Variants in TMEM128 observed in about 807,000 individuals in gnomAD.
TMEM128 encodes transmembrane protein 128.
TMEM128 carries 16 observed loss-of-function variants against 19.7 expected under a neutral mutation model. The ratio of observed to expected loss-of-function variants is 0.81; its 90% CI spans 0.55 to 1.23. TMEM128 has a LOEUF of 1.23. TMEM128 is among the 50% of genes most tolerant of loss of function. The probability of loss-of-function intolerance (pLI) is 0.00; values close to 1 mark genes in which losing one functional copy is unlikely to be tolerated. For synonymous variants in TMEM128, 98 were observed against 75.8 expected (o/e 1.29, Z -1.52); for missense variants, 237 against 200.8 (o/e 1.18, Z -1.09).
At chr4:4,246,684 A>G (rs1365415573) in intron 1 of TMEM128, among the ~76,000 whole-genome samples, 2 of 152,224 alleles carry the variant, frequency 1.3e-5, no homozygotes, top group Admixed American at 1.3e-4. Flanking sequence ...TTAATTAGGA[A>G]AAATGCCAAA....
chr4:4,247,665 T>A, intron 1 of TMEM128: 1 of 1,614,152 alleles, frequency 6.2e-7, no homozygotes, highest in Non-Finnish European at 8.5e-7. Context: ...ATCATCCCCA[T>A]TGGTACATAC....
In TMEM128 at chr4:4,240,308, A is replaced by G. The variant is rs1231166390; in HGVS notation, c.398+13T>C. The G allele has an allele frequency of 2.0e-5, 32 of 1,612,942 alleles. No homozygotes were observed. The highest frequency in any genetic ancestry group is 2.6e-5 in the Non-Finnish European group (31 of 1,179,436). On this transcript the variant is annotated intron_variant, in intron 3 of 4. Transcript: ENST00000382753. ...GTTGTTCATTCCTGTTAGTCATTTCAAAGTTAACTTACCAAATTCCTGCTG... is the reference window on the plus strand; with the variant it reads ...GTTGTTCATTCCTGTTAGTCATTTCGAAGTTAACTTACCAAATTCCTGCTG...
At chr4:4,239,009 C>G (rs1292878022) in intron 3 of TMEM128, among the ~76,000 whole-genome samples, 3 of 152,126 alleles carry the variant, frequency 2.0e-5, no homozygotes, top group Non-Finnish European at 4.4e-5. Context: ...TGCACTCCGG[C>G]CTGGGTGACA....
chr4:4,238,146 G>A (rs1233497790), intron 3 of TMEM128, among the ~76,000 whole-genome samples: 2 of 152,298 alleles, frequency 1.3e-5, no homozygotes, highest in East Asian at 1.9e-4. Context: ...CTTCAAGAAG[G>A]CCCTGGAACT....
In TMEM128 at chr4:4,235,691, G is replaced by A. The variant is rs1220685055; in HGVS notation, c.*575C>T. ...GAGAAAACATAAAATATTTTCATTT[G>A]GTCCTGTCACCTAACAAAACTATCA... On this transcript the variant is annotated 3_prime_UTR_variant, in exon 5 of 5. Coordinates refer to ENST00000382753, the MANE Select transcript of TMEM128 (RefSeq NM_001297551.2). 5.2e-5 allele frequency: 8 copies of A among 152,496 alleles called. No individual in the cohort carries two copies. The highest frequency in any genetic ancestry group is 5.2e-4 in the Admixed American group (8 of 15,264). 9.4% of individuals were successfully genotyped at this position (152,496 alleles called of 1,614,324 possible). A position where few individuals can be genotyped will look rare whatever the true frequency, so the allele number is the denominator to read the frequency against.
At position 4,245,300 on chromosome 4, in the gene TMEM128, C is replaced by G. The variant is rs145236301; in HGVS notation, c.239+902G>C. Among the ~76,000 whole-genome samples, 516 of 152,294 alleles carry G rather than the reference C, an allele frequency of 3.4e-3. 5 individuals carry two copies. Among genetic ancestry groups the G allele is most frequent in the South Asian group, 0.024 (117 of 4,816 alleles). On this transcript the variant is annotated intron_variant, in intron 2 of 4. Transcript: ENST00000382753. The stretch of plus-strand genomic sequence containing the variant: ...TCTGGAGACTATACTGAAAGGATCT[C>G]AGTCCCTGTGAATGAGGAACTACTG...
At chr4:4,245,213 T>G (rs1718119010) in intron 2 of TMEM128, among the ~76,000 whole-genome samples, 1 of 152,134 alleles carries the variant, frequency 6.6e-6, no homozygotes, top group Non-Finnish European at 1.5e-5. Context: ...GGTCTCCACA[T>G]CACTCTCCAA....
At chr4:4,240,553 T>C (rs1319737902) in intron 2 of TMEM128, 74 bp from the exon 3 acceptor site, 10 of 1,483,940 alleles carry the variant, frequency 6.7e-6, no homozygotes, top group African/African-American at 2.8e-5. Flanking sequence ...TTTTTACTAA[T>C]AGCTTAAAAA....
In TMEM128 at chr4:4,246,111, A is replaced by G. The variant is rs985071405; in HGVS notation, c.239+91T>C. ...AACACAGGGCCTGGCAGAGAGTAGT[A>G]GGTGCTTACTGTTTGAAGAATTCAA... On this transcript the variant is annotated intron_variant, in intron 2 of 4. Transcript: ENST00000382753. 5 of 1,331,530 alleles carry G rather than the reference A, an allele frequency of 3.8e-6. No homozygotes were observed. The African/African-American group carries it at 7.4e-5, about 20-fold the overall frequency. 82.5% of individuals were successfully genotyped at this position (1,331,530 alleles called of 1,614,324 possible). A position where few individuals can be genotyped will look rare whatever the true frequency, so the allele number is the denominator to read the frequency against.
intron 2 of TMEM128, among the ~76,000 whole-genome samples, chr4:4,244,704 C>A (rs527981327): frequency 6.6e-6 from 1 of 152,266 alleles, no homozygotes; most frequent in East Asian, 1.9e-4. Flanking sequence ...ACCTAGAGAC[C>A]TTTTCCTGTG....
chr4:4,247,565 C>T, intron 1 of TMEM128: 2 of 1,614,004 alleles, frequency 1.2e-6, no homozygotes, highest in Non-Finnish European at 1.7e-6. Flanking sequence ...CTTCCATATT[C>T]TATGCATTCA....
Position 4,248,181 on chromosome 4 carries a change from G to A in TMEM128, c.22C>T (p.Gln8Ter), listed in dbSNP as rs1718290550. Residue 8 changes from glutamine (Q) to a stop codon, truncating the protein, a stop_gained, in exon 1 of 5, where the codon CAG becomes TAG. Transcript: ENST00000382753. LOFTEE classifies it high-confidence loss of function. ...AGGAGGAATCGCCGCCGGAGCTGCTGCCGGGCCCGCGAGGAGTCCATCTTG... is the reference window on the plus strand; with the variant it reads ...AGGAGGAATCGCCGCCGGAGCTGCTACCGGGCCCGCGAGGAGTCCATCTTG... MDSSRAR[Q>*]QLRRRFLLLP... 2 of 1,530,534 alleles carry A rather than the reference G, an allele frequency of 1.3e-6. No homozygotes were observed. Among genetic ancestry groups the A allele is most frequent in the Middle Eastern group, 1.7e-4 (1 of 5,946 alleles). 94.8% of individuals were successfully genotyped at this position (1,530,534 alleles called of 1,614,324 possible).
At chr4:4,238,316 A>C (rs1332021577) in intron 3 of TMEM128, among the ~76,000 whole-genome samples, 2 of 152,236 alleles carry the variant, frequency 1.3e-5, no homozygotes, top group East Asian at 3.8e-4. Flanking sequence ...TTGTCTCTTA[A>C]AAACAGAATG....
chr4:4,246,038 T>C (rs1380865362), intron 2 of TMEM128, among the ~76,000 whole-genome samples, 164 bp downstream of exon 2: 2 of 152,178 alleles, frequency 1.3e-5, no homozygotes, highest in Non-Finnish European at 2.9e-5. Flanking sequence ...TAAAAATATG[T>C]ACCCTTTGAC....
chr4:4,240,096 G>C (rs56207241), intron 3 of TMEM128, among the ~76,000 whole-genome samples: 16,761 of 152,142 alleles, frequency 0.11, 1,215 homozygotes, highest in East Asian at 0.3. Context: ...AAAGCAAAAT[G>C]CAGAATATGT....
intron 2 of TMEM128, among the ~76,000 whole-genome samples, chr4:4,241,034 G>A (rs1481736131): frequency 3.3e-5 from 5 of 152,156 alleles, no homozygotes; most frequent in South Asian, 2.1e-4. Flanking sequence ...CTGAGATGGC[G>A]CCATTGCACT....
rs958606799 is a variant in TMEM128, at chr4:4,243,207, G to A, written c.240-2728C>T. ...CCATTCTTCTGCCTCAGCCTCCCAA[G>A]TAGCTGGGACTACAGGCGCCCGCCA... On this transcript the variant is annotated intron_variant, in intron 2 of 4. Transcript: ENST00000382753. Among the ~76,000 whole-genome samples the A allele has an allele frequency of 2.6e-5, 4 of 152,078 alleles. No homozygotes were observed. In the South Asian group the frequency reaches 8.3e-4, roughly 31 times the overall value.
intron 3 of TMEM128, among the ~76,000 whole-genome samples, chr4:4,239,835 A>ATAG (rs1717875984): frequency 6.6e-6 from 1 of 152,262 alleles, no homozygotes; most frequent in African/African-American, 2.4e-5. Flanking sequence ...TATAAAGTTC[A>ATAG]AAAGCGTAGC....
At chr4:4,242,702 A>G (rs1029089965) in intron 2 of TMEM128, among the ~76,000 whole-genome samples, 9 of 152,144 alleles carry the variant, frequency 5.9e-5, no homozygotes, top group South Asian at 4.2e-4. Context: ...TATTTTTAGT[A>G]GAGATGGGGT....
Sources: gnomAD v4.1 joint callset for allele counts (sites outside exome capture counted in the v4.1 genomes callset) on GRCh38, gnomAD v4.1.1 for gene constraint, MANE v1.5 for transcripts, NCBI Gene and HGNC (gene_info 2026-07-23, HGNC 2026-07-21) for gene names.